Variants in MOBP observed in about 807,000 individuals in gnomAD.
MOBP encodes myelin associated oligodendrocyte basic protein, also known as myelin-associated oligodendrocyte basic protein.
A neutral mutation model predicts 15.0 loss-of-function variants in MOBP; 5 were observed. That is an observed-to-expected ratio of 0.33 (90% CI 0.17 to 0.70). The LOEUF (loss-of-function observed/expected upper bound fraction) is 0.70. MOBP is among the 30% of genes least tolerant of loss of function. The probability of loss-of-function intolerance (pLI) is 0.67; values close to 1 mark genes in which losing one functional copy is unlikely to be tolerated. For synonymous variants in MOBP, 88 were observed against 99.0 expected (o/e 0.89, Z 0.66); for missense variants, 188 against 257.8 (o/e 0.73, Z 1.85).
intron 1 of MOBP, among the ~76,000 whole-genome samples, chr3:39,476,055 A>G (rs1035998376): frequency 1.2e-4 from 19 of 152,254 alleles, no homozygotes; most frequent in African/African-American, 4.3e-4. Flanking sequence ...GTTTCTGGAG[A>G]GGCCTCAGGA....
At chr3:39,510,232 A>G (rs1288364916) in intron 4 of MOBP, among the ~76,000 whole-genome samples, 1 of 152,136 alleles carries the variant, frequency 6.6e-6, no homozygotes, top group Non-Finnish European at 1.5e-5. Flanking sequence ...GTAGCTTAGT[A>G]GTAAGTATTG....
chr3:39,514,120 GC>G, exon 5 of MOBP: 1 of 152,236 alleles, frequency 6.6e-6, no homozygotes, highest in Non-Finnish European at 1.5e-5. Flanking sequence ...GGCCTGAAAA[GC>G]AGCTCTCTCC....
intron 2 of MOBP, among the ~76,000 whole-genome samples, chr3:39,495,468 T>C (rs2042864630): frequency 6.6e-6 from 1 of 150,668 alleles, no homozygotes; most frequent in South Asian, 2.1e-4. Context: ...ATAACACAAA[T>C]ATAAAGAAAA....
chr3:39,513,099 A>T (rs896806155), intron 4 of MOBP, among the ~76,000 whole-genome samples: 1 of 152,178 alleles, frequency 6.6e-6, no homozygotes, highest in Non-Finnish European at 1.5e-5. Flanking sequence ...GTGTTTTTCT[A>T]TGTTTCAAAA....
chr3:39,484,148 G>T (rs1490254203), intron 2 of MOBP, among the ~76,000 whole-genome samples: 2 of 152,184 alleles, frequency 1.3e-5, no homozygotes, highest in Admixed American at 6.5e-5. Context: ...CTTTTTGGGG[G>T]ATCAAATCCT....
chr3:39,509,025 T>C (rs77194337), intron 4 of MOBP, among the ~76,000 whole-genome samples: 308 of 152,232 alleles, frequency 2.0e-3, no homozygotes, highest in African/African-American at 7.1e-3. Flanking sequence ...TCTCTATATA[T>C]GTGTATGTTT....
chr3:39,518,899 G>A (rs1354325750), downstream of MOBP, among the ~76,000 whole-genome samples: 2 of 152,222 alleles, frequency 1.3e-5, no homozygotes, highest in Non-Finnish European at 2.9e-5. Flanking sequence ...ACAGATGGAT[G>A]GCATAGTGGG....
rs2043146109 is a variant in MOBP at position 39,513,332 on chromosome 3, A to G, written c.*-51A>G. On this transcript the variant is annotated intron_variant, in intron 4 of 4. Transcript: ENST00000311042. ...CTGAACACAGAGAAAGAGAGAGAGTATACATCACCTACCTATGTCATGTGT... is the reference window on the plus strand; with the variant it reads ...CTGAACACAGAGAAAGAGAGAGAGTGTACATCACCTACCTATGTCATGTGT... 10 of 1,517,008 alleles carry G rather than the reference A, an allele frequency of 6.6e-6. 1 individual carries two copies. In the South Asian group the frequency reaches 6.8e-5, roughly 10 times the overall value. 94.0% of individuals were successfully genotyped at this position (1,517,008 alleles called of 1,614,324 possible). A position where few individuals can be genotyped will look rare whatever the true frequency, so the allele number is the denominator to read the frequency against.
At chr3:39,506,396 A>C (rs1278261050), downstream of MOBP, among the ~76,000 whole-genome samples, 2 of 152,158 alleles carry the variant, frequency 1.3e-5, no homozygotes, top group Non-Finnish European at 2.9e-5. Flanking sequence ...ATGCAAGGGC[A>C]AGAAGTTTAT....
downstream of MOBP, among the ~76,000 whole-genome samples, chr3:39,504,248 G>C (rs1453279080): frequency 1.3e-5 from 2 of 152,180 alleles, no homozygotes; most frequent in Non-Finnish European, 2.9e-5. Context: ...TGAGTAGAAG[G>C]GTCCTAGGAC....
exon 5 of MOBP, chr3:39,514,883 CA>C (rs1231411775): frequency 4.6e-5 from 7 of 152,458 alleles, no homozygotes; most frequent in Admixed American, 4.6e-4. Flanking sequence ...TACACACAAA[CA>C]CATGCTGTGG....
chr3:39,496,883 G>A (rs1024154973), intron 2 of MOBP, among the ~76,000 whole-genome samples: 14 of 151,798 alleles, frequency 9.2e-5, no homozygotes, highest in South Asian at 6.3e-4. Context: ...TGCTGGTCTC[G>A]AACTCCCAAC....
At chr3:39,505,984 T>C (rs2043043248), downstream of MOBP, among the ~76,000 whole-genome samples, 1 of 152,094 alleles carries the variant, frequency 6.6e-6, no homozygotes, top group Non-Finnish European at 1.5e-5. Context: ...TTCATCAGAA[T>C]ATGCATCTGT....
chr3:39,498,820 T>G (rs2042927235), intron 2 of MOBP, among the ~76,000 whole-genome samples: 1 of 151,350 alleles, frequency 6.6e-6, no homozygotes, highest in Non-Finnish European at 1.5e-5. Flanking sequence ...TGTCATGGAG[T>G]AAGAAACAAT....
chr3:39,512,794 A>G (rs542586395), intron 4 of MOBP, among the ~76,000 whole-genome samples: 2 of 152,364 alleles, frequency 1.3e-5, no homozygotes, highest in East Asian at 1.9e-4. Context: ...AGGCAGTCAC[A>G]TAGAGTTCTG....
At chr3:39,522,440 C>T (rs917674265) in intron 3 of MOBP, among the ~76,000 whole-genome samples, 9 of 152,172 alleles carry the variant, frequency 5.9e-5, no homozygotes, top group African/African-American at 2.2e-4. Flanking sequence ...TGTTGTCCCT[C>T]ATTTCTCCCC....
At chr3:39,510,750 C>T (rs549064650) in intron 4 of MOBP, among the ~76,000 whole-genome samples, 18 of 152,160 alleles carry the variant, frequency 1.2e-4, no homozygotes, top group African/African-American at 1.9e-4. Context: ...TGAATAGAGA[C>T]GGTTTGATAT....
chr3:39,482,870 A>G (rs944520400), intron 2 of MOBP, among the ~76,000 whole-genome samples: 1 of 151,206 alleles, frequency 6.6e-6, no homozygotes, highest in African/African-American at 2.4e-5. Context: ...CCTCAAATAT[A>G]CCTCCCCAAC....
intron 2 of MOBP, among the ~76,000 whole-genome samples, chr3:39,493,692 A>G (rs762727169): frequency 1.3e-5 from 2 of 152,204 alleles, no homozygotes; most frequent in Non-Finnish European, 2.9e-5. Flanking sequence ...AAAGTTCTAG[A>G]TGCTTTCCTA....
Sources: allele counts gnomAD v4.1 joint callset (sites outside exome capture counted in the v4.1 genomes callset), GRCh38; gene constraint gnomAD v4.1.1; transcripts MANE v1.5; gene names NCBI Gene and HGNC (gene_info 2026-07-23, HGNC 2026-07-21).